Variants in DKK2 observed in about 807,000 individuals in gnomAD.
DKK2 encodes dickkopf-related protein 2.
Under a neutral mutation model 28.1 loss-of-function variants are expected in DKK2, and 11 were observed. The observed-to-expected ratio is 0.39, with a 90% confidence interval of 0.25 to 0.65. The LOEUF is 0.65. Among genes scored for constraint, DKK2 ranks in the 30% least tolerant of loss-of-function variants. The pLI, the probability that DKK2 is intolerant of heterozygous loss-of-function variation, is 0.47. For missense variants in DKK2, 326 were observed against 335.5 expected, an observed-to-expected ratio of 0.97 and a Z score of 0.22; for synonymous variants, 135 against 126.5, an observed-to-expected ratio of 1.07 and a Z score of -0.45.
At chr4:107,019,265 C>T (rs191031567) in intron 1 of DKK2, among the ~76,000 whole-genome samples, 2 of 152,126 alleles carry the variant, frequency 1.3e-5, no homozygotes, top group East Asian at 3.9e-4. Flanking sequence ...CTTAACGAGG[C>T]AACACTGTCC....
At chr4:106,959,456 C>A (rs1722654216) in intron 1 of DKK2, among the ~76,000 whole-genome samples, 1 of 151,900 alleles carries the variant, frequency 6.6e-6, no homozygotes, top group Non-Finnish European at 1.5e-5. Context: ...TCTGGGGAGT[C>A]CATTTGAGGC....
chr4:106,995,795 T>A (rs920214224), intron 1 of DKK2, among the ~76,000 whole-genome samples: 4 of 152,128 alleles, frequency 2.6e-5, no homozygotes, highest in Non-Finnish European at 5.9e-5. Flanking sequence ...GTATTTTTAG[T>A]AGAGACGGGG....
At chr4:107,027,638 T>C (rs998939973) in intron 1 of DKK2, among the ~76,000 whole-genome samples, 1 of 152,138 alleles carries the variant, frequency 6.6e-6, no homozygotes, top group Non-Finnish European at 1.5e-5. Flanking sequence ...AGGGGCTATC[T>C]CACTTTGGAA....
chr4:106,926,015 T>C, intron 1 of DKK2, 66 bp from the exon 2 acceptor site: 2 of 1,480,456 alleles, frequency 1.4e-6, no homozygotes, highest in African/African-American at 1.4e-5. Flanking sequence ...GAAACATTAC[T>C]ATAGCAAATC....
chr4:106,928,926 G>A (rs1724462269), intron 1 of DKK2, among the ~76,000 whole-genome samples: 1 of 152,154 alleles, frequency 6.6e-6, no homozygotes, highest in Non-Finnish European at 1.5e-5. Context: ...AAGGGAGAGA[G>A]AGAGGGATAG....
chr4:107,033,772 G>A (rs560050822), intron 1 of DKK2, among the ~76,000 whole-genome samples: 30 of 152,244 alleles, frequency 2.0e-4, no homozygotes, highest in Non-Finnish European at 3.8e-4. Flanking sequence ...GATTTGGATT[G>A]AGAGCACCCA....
intron 1 of DKK2, among the ~76,000 whole-genome samples, chr4:106,934,122 G>C (rs1724544463): frequency 1.3e-5 from 2 of 151,236 alleles, no homozygotes; most frequent in Admixed American, 1.3e-4. Flanking sequence ...GTTATCTCAG[G>C]AAATATGCCC....
intron 1 of DKK2, among the ~76,000 whole-genome samples, chr4:106,939,112 G>A (rs1724648930): frequency 6.6e-6 from 1 of 152,118 alleles, no homozygotes; most frequent in Admixed American, 6.5e-5. Context: ...TTTTGGCCAG[G>A]GCAATTAGGC....
chr4:106,929,457 T>C (rs1724470449), intron 1 of DKK2, among the ~76,000 whole-genome samples: 1 of 152,218 alleles, frequency 6.6e-6, no homozygotes, highest in Non-Finnish European at 1.5e-5. Context: ...CTTAGCTTCA[T>C]GCAGAATCAT....
At chr4:107,004,064 G>A (rs542419046) in intron 1 of DKK2, among the ~76,000 whole-genome samples, 1 of 149,968 alleles carries the variant, frequency 6.7e-6, no homozygotes, top group Non-Finnish European at 1.5e-5. Context: ...GAAAGAGAGA[G>A]AGATACAGAA....
chr4:106,924,613 T>C lies in DKK2; in HGVS notation c.461A>G (p.His154Arg), dbSNP rs1283865614. The change falls in exon 3 of 4, where the codon CAT becomes CGT. Residue 154 changes from histidine (H) to arginine (R), a missense_variant. Transcript: ENST00000285311. ...GTRHRDRNHGHYSNHDLGWQN... is the reference protein window; with the variant it reads ...GTRHRDRNHGRYSNHDLGWQN... Reference sequence around the variant, plus strand: ...CCATCCCAAGTCATGGTTTGAGTAATGACCGTGGTTTCGATCTCTGTGCCG... The same window carrying C: ...CCATCCCAAGTCATGGTTTGAGTAACGACCGTGGTTTCGATCTCTGTGCCG... The C allele has an allele frequency of 6.2e-7, 1 of 1,613,992 alleles. No individual in the cohort carries two copies. Among genetic ancestry groups the C allele is most frequent in the Non-Finnish European group, 8.5e-7 (1 of 1,179,908 alleles).
intron 1 of DKK2, among the ~76,000 whole-genome samples, chr4:106,959,754 A>T (rs1273020203): frequency 6.6e-6 from 1 of 152,248 alleles, no homozygotes; most frequent in East Asian, 1.9e-4. Flanking sequence ...TCATGCATTC[A>T]TTCACCAAAT....
chr4:107,031,775 C>T (rs1723878531), intron 1 of DKK2, among the ~76,000 whole-genome samples: 2 of 151,830 alleles, frequency 1.3e-5, no homozygotes. Flanking sequence ...AAACACAAAT[C>T]CAAAGGTTTT....
chr4:107,033,556 A>G (rs1040154708), intron 1 of DKK2, among the ~76,000 whole-genome samples: 4 of 152,332 alleles, frequency 2.6e-5, no homozygotes, highest in Admixed American at 6.5e-5. Context: ...TGATTTTCTG[A>G]CAGAGGAACA....
intron 1 of DKK2, among the ~76,000 whole-genome samples, chr4:107,024,598 T>A (rs1363580429): frequency 6.6e-6 from 1 of 152,204 alleles, no homozygotes; most frequent in Admixed American, 6.5e-5. Flanking sequence ...TAATTCAGAT[T>A]TGCACTTTAT....
intron 1 of DKK2, among the ~76,000 whole-genome samples, chr4:106,998,483 T>A (rs1319867251): frequency 6.6e-6 from 1 of 152,186 alleles, no homozygotes; most frequent in East Asian, 1.9e-4. Context: ...CTGAAATGAA[T>A]GCCAACAAGT....
chr4:106,977,279 T>G (rs1307055753), intron 1 of DKK2, among the ~76,000 whole-genome samples: 4 of 152,216 alleles, frequency 2.6e-5, no homozygotes, highest in African/African-American at 9.6e-5. Flanking sequence ...AATTTGAATG[T>G]TGGCCTGTCT....
rs72890627 is a variant in DKK2 at position 106,953,950 on chromosome 4, C to T, written c.223-28001G>A. On this transcript the variant is annotated intron_variant, in intron 1 of 3. Coordinates refer to ENST00000285311, the MANE Select transcript of DKK2 (RefSeq NM_014421.3). ...GGTGAGGAAAATCCAGGTCTTAGAC[C>T]AAGTATGAGGACCATCTCTTGCAAA... is the stretch of plus-strand genomic sequence containing the variant. 1.5e-3 allele frequency among the ~76,000 whole-genome samples: 223 copies of T among 152,196 alleles called. 2 individuals carry two copies. The highest frequency in any genetic ancestry group is 5.1e-3 in the African/African-American group (211 of 41,522).
In DKK2 at chr4:106,939,118, T is replaced by TA. The variant is rs1724649062; in HGVS notation, c.223-13170dup. On this transcript the variant is annotated intron_variant, in intron 1 of 3. Coordinates refer to ENST00000285311, the MANE Select transcript of DKK2 (RefSeq NM_014421.3). ...TGTTGGACGTTTTGGCCAGGGCAAT[T>TA]AGGCAGGAGAAGGAAATAAAGGGCA... 2.6e-5 allele frequency among the ~76,000 whole-genome samples: 4 copies of TA among 152,206 alleles called. No individual in the cohort carries two copies. The South Asian group carries it at 6.2e-4, about 24-fold the overall frequency.
Sources: gnomAD v4.1 joint callset for allele counts (sites outside exome capture counted in the v4.1 genomes callset) on GRCh38, gnomAD v4.1.1 for gene constraint, MANE v1.5 for transcripts, NCBI Gene and HGNC (gene_info 2026-07-23, HGNC 2026-07-21) for gene names.